The following POLR3E variants were observed in gnomAD, a reference collection of about 807,000 sequenced individuals.
POLR3E encodes DNA-directed RNA polymerase III subunit RPC5.
POLR3E carries 41 observed loss-of-function variants against 96.6 expected under a neutral mutation model. That is an observed-to-expected ratio of 0.42 (90% CI 0.33 to 0.55). The LOEUF is 0.55. POLR3E is among the 20% of genes least tolerant of loss of function. The pLI is 0.06. For synonymous variants in POLR3E, 396 were observed against 383.6 expected, an observed-to-expected ratio of 1.03 and a Z score of -0.38; for missense variants, 849 against 952.1, an observed-to-expected ratio of 0.89 and a Z score of 1.43.
At chr16:22,328,411 T>TTCC in intron 18 of POLR3E, 99 bp from the exon 19 acceptor site, 2 of 985,258 alleles carry the variant, frequency 2.0e-6, no homozygotes, top group Non-Finnish European at 3.3e-6. Flanking sequence ...GGAACCCATG[T>TTCC]TCCTGCATCT....
intron 8 of POLR3E, among the ~76,000 whole-genome samples, chr16:22,314,633 A>T (rs2048316597): frequency 6.6e-6 from 1 of 152,228 alleles, no homozygotes; most frequent in South Asian, 2.1e-4. Flanking sequence ...TAGAATGATG[A>T]TACACAAGTA....
In POLR3E at chr16:22,303,002, G is replaced by A. The variant is rs1256165050; in HGVS notation, c.34G>A (p.Glu12Lys). 6.2e-7 allele frequency: 1 copy of A among 1,613,834 alleles called. No individual in the cohort carries two copies. Among genetic ancestry groups the A allele is most frequent in the Admixed American group, 1.7e-5 (1 of 59,994 alleles). ...ANEEDDPVVQEIDVYLAKSLA... is the reference protein window; with the variant it reads ...ANEEDDPVVQKIDVYLAKSLA... ...TGAAGAGGATGACCCAGTTGTACAG[G>A]AGGTAACTGCTGCTCTCTGTCCCCT... Residue 12 changes from glutamate to lysine, a missense_variant and splice_region_variant, in exon 2 of 21, where the codon GAG becomes AAG. Transcript: ENST00000299853.
At chr16:22,330,815 CAAA>C (rs772132687) in intron 19 of POLR3E, among the ~76,000 whole-genome samples, 1 of 148,538 alleles carries the variant, frequency 6.7e-6, no homozygotes, top group Non-Finnish European at 1.5e-5. Context: ...TGAACCATAG[CAAA>C]AAAAAAGGAG....
intron 6 of POLR3E, among the ~76,000 whole-genome samples, chr16:22,312,037 G>A (rs1034155040): frequency 6.6e-6 from 1 of 152,210 alleles, no homozygotes; most frequent in East Asian, 1.9e-4. Flanking sequence ...GTGGCTGTAT[G>A]TGAAATGTCC....
intron 1 of POLR3E, among the ~76,000 whole-genome samples, chr16:22,301,069 A>C (rs1330005606): frequency 6.7e-6 from 1 of 150,220 alleles, no homozygotes; most frequent in East Asian, 2.0e-4. Flanking sequence ...GGCAGTTTGC[A>C]ATGTGATTTG....
intron 20 of POLR3E, among the ~76,000 whole-genome samples, chr16:22,332,967 C>CT (rs1166614906): frequency 0.087 from 6,330 of 73,006 alleles, 222 homozygotes; most frequent in Admixed American, 0.12. Flanking sequence ...CGTAGACCCC[C>CT]TTTTTTTTTT....
chr16:22,311,886 C>A (rs1227527819), intron 6 of POLR3E, among the ~76,000 whole-genome samples: 1 of 152,226 alleles, frequency 6.6e-6, no homozygotes, highest in East Asian at 1.9e-4. Context: ...AGCCTGGGAG[C>A]AATAGGCCAT....
intron 18 of POLR3E, chr16:22,327,839 G>A (rs1017873068): frequency 1.3e-5 from 2 of 152,270 alleles, no homozygotes; most frequent in African/African-American, 2.4e-5. Context: ...ATGCAAATGT[G>A]TATTGGAGGC....
chr16:22,303,070 G>A (rs2048060442), intron 2 of POLR3E, 66 bp downstream of exon 2: 4 of 1,406,184 alleles, frequency 2.8e-6, no homozygotes, highest in East Asian at 4.6e-5. Flanking sequence ...CTTTCCATGT[G>A]TCCTCAGGCC....
rs1164336248 is a variant in POLR3E, at chr16:22,309,462, C to G, written c.316C>G (p.Gln106Glu). The part of the protein sequence containing the change: ...LMDKQTFCSS[Q>E]TTSNTSRYAA... ...GGACAAGCAGACCTTCTGCTCTTCCCAGACCACCAGTAACACATCCCGTTA... is the reference window on the plus strand; with the variant it reads ...GGACAAGCAGACCTTCTGCTCTTCCGAGACCACCAGTAACACATCCCGTTA... Residue 106 changes from glutamine (Q) to glutamate (E), a missense_variant, in exon 6 of 21, where the codon CAG becomes GAG. Physicochemically the swap from Gln to Glu is conservative, Grantham distance 29. Coordinates refer to ENST00000299853, the MANE Select transcript of POLR3E (RefSeq NM_018119.4). The G allele has an allele frequency of 3.1e-6, 5 of 1,613,844 alleles. No homozygotes were observed. Among genetic ancestry groups the G allele is most frequent in the Non-Finnish European group, 3.4e-6 (4 of 1,179,960 alleles).
chr16:22,302,876 C>T, intron 1 of POLR3E, 55 bp from the exon 2 acceptor site: 1 of 1,216,530 alleles, frequency 8.2e-7, no homozygotes. Context: ...AGAATAGGCA[C>T]AAGGAAATGT....
chr16:22,324,284 G>C (rs1351430111), intron 14 of POLR3E, 70 bp from the exon 15 acceptor site: 1 of 1,302,950 alleles, frequency 7.7e-7, no homozygotes, highest in Non-Finnish European at 1.1e-6. Flanking sequence ...GGCCTGCCAG[G>C]TGAGTTCCCG....
chr16:22,314,259 C>T, intron 8 of POLR3E, 131 bp downstream of exon 8: 1 of 723,848 alleles, frequency 1.4e-6, no homozygotes, highest in Non-Finnish European at 2.4e-6. Flanking sequence ...TCTTGCTGGG[C>T]TACCTGGAGG....
Position 22,305,181 on chromosome 16 carries a change from T to A in POLR3E, c.62T>A (p.Leu21Gln). ...QEIDVYLAKS[L>Q]AEKLYLFQYP... ...ATCGATGTGTACTTGGCCAAGAGTCTGGCGGAAAAGCTGTATCTATTTCAG... is the reference window on the plus strand; with the variant it reads ...ATCGATGTGTACTTGGCCAAGAGTCAGGCGGAAAAGCTGTATCTATTTCAG... Residue 21 changes from leucine to glutamine, a missense_variant, in exon 3 of 21, where the codon CTG becomes CAG. Transcript: ENST00000299853. The A allele has an allele frequency of 6.2e-7, 1 of 1,613,268 alleles. No individual in the cohort carries two copies. Among genetic ancestry groups the A allele is most frequent in the Non-Finnish European group, 8.5e-7 (1 of 1,179,294 alleles).
At chr16:22,332,726 CTTAAA>C (rs1183902462) in intron 20 of POLR3E, among the ~76,000 whole-genome samples, 3 of 152,008 alleles carry the variant, frequency 2.0e-5, no homozygotes, top group Non-Finnish European at 2.9e-5. Flanking sequence ...AGAATCCATT[CTTAAA>C]TTTAGTTTAA....
chr16:22,313,939 T>G lies in POLR3E; in HGVS notation c.473-140T>G, dbSNP rs1005355196. 35 of 781,868 alleles carry G rather than the reference T, an allele frequency of 4.5e-5. 1 individual carries two copies. In the South Asian group the frequency reaches 5.0e-4, roughly 11 times the overall value. 48.4% of individuals were successfully genotyped at this position (781,868 alleles called of 1,614,324 possible). ...GTAAAGGGGCAAAACTGTCCCCGAT[T>G]GAGAACCACTGGCTTAGGCAGCTCC... is the stretch of plus-strand genomic sequence containing the variant. On this transcript the variant is annotated intron_variant, in intron 7 of 20. Transcript: ENST00000299853. This position sits in a 1 kb window ranked among gnomAD's most constrained non-coding sequence, Gnocchi z 4.1.
At chr16:22,331,811 C>T (rs2048746842) in intron 19 of POLR3E, 4 of 383,408 alleles carry the variant, frequency 1.0e-5, no homozygotes, top group Admixed American at 4.3e-5. Flanking sequence ...TGGCATATAC[C>T]TTTGTTTTTA....
Position 22,317,992 on chromosome 16 carries a change from G to A in POLR3E, c.865+786G>A, listed in dbSNP as rs538776030. 2.7e-3 allele frequency among the ~76,000 whole-genome samples: 408 copies of A among 152,168 alleles called. 4 individuals carry two copies. Among genetic ancestry groups the A allele is most frequent in the Non-Finnish European group, 6.0e-4 (41 of 68,016 alleles). Reference sequence around the variant, plus strand: ...AGTTCAGAATGGAGCCGCAGAACCTGGGCTCGTCCTTTGAGATGCCACCAT... The same window carrying A: ...AGTTCAGAATGGAGCCGCAGAACCTAGGCTCGTCCTTTGAGATGCCACCAT... On this transcript the variant is annotated intron_variant, in intron 12 of 20. Coordinates refer to ENST00000299853, the MANE Select transcript of POLR3E (RefSeq NM_018119.4).
At chr16:22,330,268 C>T (rs527311077) in intron 19 of POLR3E, among the ~76,000 whole-genome samples, 5 of 148,908 alleles carry the variant, frequency 3.4e-5, no homozygotes, top group African/African-American at 7.4e-5. Flanking sequence ...TGGTAGGGGT[C>T]GGGGGGTGGT....
Sources: gnomAD v4.1 joint callset for allele counts (sites outside exome capture counted in the v4.1 genomes callset) on GRCh38, gnomAD v4.1.1 for gene constraint, Gnocchi (gnomAD v3.1) non-coding constraint, MANE v1.5 for transcripts, NCBI Gene and HGNC (gene_info 2026-07-23, HGNC 2026-07-21) for gene names.